SP100: variants seen among roughly 807,000 people sequenced by gnomAD.
SP100 encodes the protein nuclear autoantigen Sp-100.
SP100 carries 84 observed loss-of-function variants against 130.0 expected under a neutral mutation model. That is an observed-to-expected ratio of 0.65 (90% confidence interval 0.54 to 0.77). The LOEUF (loss-of-function observed/expected upper bound fraction) is 0.77, where lower values mean the gene tolerates loss of function less well. Ranked by LOEUF, SP100 falls within the 30% of genes least tolerant of loss-of-function variation. The pLI, the probability that SP100 is intolerant of heterozygous loss-of-function variation, is 0.00. For synonymous variants in SP100, 331 were observed against 351.7 expected (o/e 0.94, Z 0.66); for missense variants, 978 against 1,052.2 (o/e 0.93, Z 0.97).
intron 17 of SP100, among the ~76,000 whole-genome samples, chr2:230,486,215 C>T (rs1269567786): frequency 6.6e-6 from 1 of 152,042 alleles, no homozygotes; most frequent in Non-Finnish European, 1.5e-5. Flanking sequence ...GGAAGTGCCA[C>T]ATTTTTTTTT....
chr2:230,501,993 C>T (rs974441655), intron 19 of SP100, among the ~76,000 whole-genome samples: 2 of 151,606 alleles, frequency 1.3e-5, no homozygotes, highest in Admixed American at 6.6e-5. Flanking sequence ...CTCAGCCTCC[C>T]GAGTAGCTGG....
chr2:230,463,206 A>G (rs2064756888), intron 10 of SP100, among the ~76,000 whole-genome samples: 1 of 152,186 alleles, frequency 6.6e-6, no homozygotes, highest in South Asian at 2.1e-4. Context: ...CCAAAATCTC[A>G]TGGTAAATTA....
intron 7 of SP100, 43 bp downstream of exon 7, chr2:230,449,753 G>C: frequency 3.7e-6 from 6 of 1,606,768 alleles, no homozygotes; most frequent in Non-Finnish European, 5.1e-6. Context: ...GAGCCAAGGG[G>C]CCCTGGCTGG....
At chr2:230,420,591 A>T (rs2062740154) in intron 2 of SP100, among the ~76,000 whole-genome samples, 1 of 152,172 alleles carries the variant, frequency 6.6e-6, no homozygotes, top group South Asian at 2.1e-4. Context: ...TATTTTAATC[A>T]GGCCTGTGTA....
chr2:230,473,957 C>A (rs2065404863), intron 16 of SP100, among the ~76,000 whole-genome samples: 1 of 151,448 alleles, frequency 6.6e-6, no homozygotes, highest in Non-Finnish European at 1.5e-5. Context: ...TTGGAAAGGC[C>A]TAAAAAGACA....
Position 230,498,610 on chromosome 2 carries a change from T to C in SP100, c.1720+75T>C. ...CTCTTAGTAAGAAACATTTTTTTCC[T>C]AAATGCTTTATGTAGCTGTACTTAC... On this transcript the variant is annotated intron_variant, in intron 19 of 28. Coordinates refer to ENST00000340126, the MANE Select transcript of SP100 (RefSeq NM_001080391.2). 3 of 803,234 alleles carry C rather than the reference T, an allele frequency of 3.7e-6. No individual in the cohort carries two copies. The South Asian group carries it at 8.6e-5, about 23-fold the overall frequency. The allele number at this position is 803,234 out of a possible 1,614,324, so 49.8% of individuals were successfully genotyped here.
chr2:230,442,864 G>A lies in SP100; in HGVS notation c.108-73G>A, dbSNP rs1053020308. 1.5e-5 allele frequency: 20 copies of A among 1,321,538 alleles called. No individual in the cohort carries two copies. The South Asian group carries it at 1.9e-4, about 12-fold the overall frequency. 81.9% of individuals were successfully genotyped at this position (1,321,538 alleles called of 1,614,324 possible). A position where few individuals can be genotyped will look rare whatever the true frequency, so the allele number is the denominator to read the frequency against. ...ATTCTTTGTAGCTTGTCCTTTATAT[G>A]TAAACTCTTACAGCCTCCACAAACA... On this transcript the variant is annotated intron_variant, in intron 2 of 28. Coordinates refer to ENST00000340126, the MANE Select transcript of SP100 (RefSeq NM_001080391.2).
intron 2 of SP100, among the ~76,000 whole-genome samples, chr2:230,436,902 ACACG>A (rs1238829380): frequency 0.019 from 2,446 of 129,722 alleles, 60 homozygotes; most frequent in Non-Finnish European, 0.024. Flanking sequence ...GTGTATACAC[ACACG>A]CATATATGTG....
chr2:230,417,654 C>T lies in SP100; in HGVS notation c.96C>T (p.His32=), dbSNP rs532220459. The stretch of plus-strand genomic sequence containing the variant: ...TGAACCATCTTCCTGCACACAGCCA[C>T]GATTTGCAAAGGTGATGAATGAAGA... ...NEMNHLPAHS[H]DLQRMFTEDQ... is the part of the protein sequence containing the mutation. Residue 32 remains histidine (H), a synonymous_variant, in exon 2 of 29, where the codon CAC becomes CAT. Transcript: ENST00000340126. 46 of 1,612,442 alleles carry T rather than the reference C, an allele frequency of 2.9e-5. No homozygotes were observed. The highest frequency in any genetic ancestry group is 4.0e-5 in the African/African-American group (3 of 75,014).
chr2:230,490,481 C>A (rs1216831303), intron 17 of SP100, among the ~76,000 whole-genome samples: 1 of 152,086 alleles, frequency 6.6e-6, no homozygotes, highest in East Asian at 1.9e-4. Context: ...GGGCATTTAG[C>A]CCATTTACAT....
intron 19 of SP100, among the ~76,000 whole-genome samples, chr2:230,502,829 G>A (rs778500893): frequency 5.9e-5 from 9 of 152,140 alleles, no homozygotes; most frequent in Non-Finnish European, 8.8e-5. Context: ...AGTCACCGTC[G>A]CATCCTTTGA....
intron 2 of SP100, among the ~76,000 whole-genome samples, chr2:230,418,544 G>T (rs2062681759): frequency 1.3e-5 from 2 of 151,882 alleles, no homozygotes; most frequent in Admixed American, 1.3e-4. Flanking sequence ...GCCAGGGCAG[G>T]TCACCCCAAA....
chr2:230,437,188 C>T (rs953251640), intron 2 of SP100, among the ~76,000 whole-genome samples: 7 of 152,108 alleles, frequency 4.6e-5, no homozygotes, highest in African/African-American at 1.7e-4. Context: ...ATCAAATTCC[C>T]TTTTAAACCC....
rs545429828 is a variant in SP100 at position 230,490,785 on chromosome 2, T to A, written c.1601-3631T>A. 3.2e-3 allele frequency among the ~76,000 whole-genome samples: 489 copies of A among 151,940 alleles called. 2 individuals carry two copies. Among genetic ancestry groups the A allele is most frequent in the African/African-American group, 0.011 (462 of 41,422 alleles). On this transcript the variant is annotated intron_variant, in intron 17 of 28. Coordinates refer to ENST00000340126, the MANE Select transcript of SP100 (RefSeq NM_001080391.2). ...TGGATATGAAATTCTGTATTGAAAATTTTTTTTTAAGAATGTTGAATATTG... is the reference window on the plus strand; with the variant it reads ...TGGATATGAAATTCTGTATTGAAAAATTTTTTTTAAGAATGTTGAATATTG...
intron 8 of SP100, among the ~76,000 whole-genome samples, chr2:230,453,867 G>T (rs1376843258): frequency 6.6e-6 from 1 of 152,148 alleles, no homozygotes; most frequent in Admixed American, 6.6e-5. Context: ...GTTTGAAAAA[G>T]ATTGCTATTT....
chr2:230,438,223 T>A (rs1219624352), intron 2 of SP100, among the ~76,000 whole-genome samples: 1 of 152,322 alleles, frequency 6.6e-6, no homozygotes, highest in African/African-American at 2.4e-5. Flanking sequence ...TGCCTTTCAA[T>A]ATCATTTTTC....
At chr2:230,481,778 GA>G (rs1364950824) in intron 17 of SP100, among the ~76,000 whole-genome samples, 2 of 152,146 alleles carry the variant, frequency 1.3e-5, no homozygotes, top group Non-Finnish European at 2.9e-5. Context: ...CATCCTTTAT[GA>G]TTCCCCCTCA....
intron 2 of SP100, among the ~76,000 whole-genome samples, chr2:230,439,593 G>A (rs1475081518): frequency 1.3e-5 from 2 of 151,478 alleles, no homozygotes; most frequent in Non-Finnish European, 2.9e-5. Context: ...TGTTTTTTTG[G>A]TTTATTTTTT....
intron 24 of SP100, chr2:230,515,776 G>T: frequency 6.7e-7 from 1 of 1,491,472 alleles, no homozygotes; most frequent in Non-Finnish European, 8.8e-7. Context: ...GTGTTTTTTT[G>T]TATAGTTAAC....
Sources: gnomAD v4.1 joint callset for allele counts (sites outside exome capture counted in the v4.1 genomes callset) on GRCh38, gnomAD v4.1.1 for gene constraint, MANE v1.5 for transcripts, NCBI Gene and HGNC (gene_info 2026-07-23, HGNC 2026-07-21) for gene names.